The following RBMS3 variants were observed in gnomAD, a reference collection of about 807,000 sequenced individuals.
The protein encoded by RBMS3 is RNA binding motif single stranded interacting protein 3, also known as RNA-binding motif, single-stranded-interacting protein 3.
Under a neutral mutation model 66.8 loss-of-function variants are expected in RBMS3, and 27 were observed. The ratio of observed to expected loss-of-function variants is 0.40; its 90% CI spans 0.30 to 0.56. The LOEUF (loss-of-function observed/expected upper bound fraction) is 0.56. RBMS3 is among the 20% of genes least tolerant of loss of function. The pLI is 0.40. For missense variants in RBMS3, 513 were observed against 549.5 expected, an observed-to-expected ratio of 0.93 and a Z score of 0.66; for synonymous variants, 188 against 183.0, an observed-to-expected ratio of 1.03 and a Z score of -0.22.
intron 6 of RBMS3, among the ~76,000 whole-genome samples, chr3:29,864,750 A>T (rs2059303778): frequency 1.3e-5 from 2 of 150,938 alleles, no homozygotes; most frequent in Admixed American, 1.4e-4. Flanking sequence ...AGCTCTATGA[A>T]GTATTTAACA....
intron 1 of RBMS3, among the ~76,000 whole-genome samples, chr3:29,311,122 A>G (rs1424752915): frequency 6.6e-6 from 1 of 151,784 alleles, no homozygotes; most frequent in African/African-American, 2.4e-5. Context: ...TAATGGGGCC[A>G]GTGAGCATGG....
chr3:29,599,795 T>G (rs996371999), intron 4 of RBMS3, among the ~76,000 whole-genome samples: 1 of 152,234 alleles, frequency 6.6e-6, no homozygotes, highest in East Asian at 1.9e-4. Flanking sequence ...TTATGGAAGA[T>G]ATGATCACAG....
At chr3:29,654,521 CGTGTGTGTGTGTGTGTGTGTGTGT>C (rs56163408) in intron 4 of RBMS3, among the ~76,000 whole-genome samples, 10 of 118,992 alleles carry the variant, frequency 8.4e-5, no homozygotes, top group Non-Finnish European at 1.6e-4. Context: ...GAATTGGATT[CGTGTGTGTGTGTGTGTGTGTGTGT>C]GTGTGTGTGT....
At chr3:29,663,704 G>A (rs1273639299) in intron 4 of RBMS3, among the ~76,000 whole-genome samples, 1 of 152,060 alleles carries the variant, frequency 6.6e-6, no homozygotes, top group East Asian at 1.9e-4. Context: ...GGCATCACTG[G>A]GAGGCTCCTC....
chr3:29,614,254 G>C (rs1361224859), intron 4 of RBMS3, among the ~76,000 whole-genome samples: 1 of 152,146 alleles, frequency 6.6e-6, no homozygotes, highest in Non-Finnish European at 1.5e-5. Flanking sequence ...TCACTTATAT[G>C]TGGAATCAGA....
intron 6 of RBMS3, among the ~76,000 whole-genome samples, chr3:29,800,410 A>G (rs984345030): frequency 2.6e-5 from 4 of 152,208 alleles, no homozygotes; most frequent in Admixed American, 1.3e-4. Context: ...TGTTATTGGA[A>G]AAAAGTATTC....
At chr3:29,449,279 GA>G (rs1013464656) in intron 2 of RBMS3, among the ~76,000 whole-genome samples, 1 of 152,032 alleles carries the variant, frequency 6.6e-6, no homozygotes, top group Non-Finnish European at 1.5e-5. Flanking sequence ...CTAGTTTGGG[GA>G]AAAAAACTCT....
intron 6 of RBMS3, among the ~76,000 whole-genome samples, chr3:29,867,506 G>C: frequency 7.0e-6 from 1 of 142,186 alleles, no homozygotes; most frequent in Non-Finnish European, 1.5e-5. Context: ...GGATGATCTA[G>C]TATGGCCTTG....
intron 4 of RBMS3, among the ~76,000 whole-genome samples, chr3:29,646,684 A>C: frequency 7.1e-6 from 1 of 140,866 alleles, no homozygotes; most frequent in Non-Finnish European, 1.5e-5. Flanking sequence ...TTTTTTTTTC[A>C]TCCTAACTAC....
chr3:29,508,000 T>C (rs1211996928), intron 3 of RBMS3, among the ~76,000 whole-genome samples: 1 of 152,162 alleles, frequency 6.6e-6, no homozygotes, highest in Admixed American at 6.6e-5. Context: ...TGAGAAAATA[T>C]GAAGATTCAT....
chr3:29,854,052 T>C (rs13078067), intron 6 of RBMS3, among the ~76,000 whole-genome samples: 113,808 of 152,078 alleles, frequency 0.75, 42,683 homozygotes, highest in African/African-American at 0.77. Flanking sequence ...TGTCAAAAAG[T>C]CGTGAGAACA....
At chr3:29,843,910 C>T (rs766007817) in intron 6 of RBMS3, among the ~76,000 whole-genome samples, 2 of 151,874 alleles carry the variant, frequency 1.3e-5, no homozygotes, top group South Asian at 2.1e-4. Context: ...CGAGATTGCT[C>T]CACTGCACTC....
chr3:29,639,918 G>C (rs555748375), intron 4 of RBMS3, among the ~76,000 whole-genome samples: 2 of 151,760 alleles, frequency 1.3e-5, no homozygotes, highest in African/African-American at 4.8e-5. Flanking sequence ...TTCAGATGAC[G>C]GGGAGATATA....
At chr3:29,698,900 T>C (rs2052404236) in intron 4 of RBMS3, among the ~76,000 whole-genome samples, 2 of 152,208 alleles carry the variant, frequency 1.3e-5, no homozygotes, top group Admixed American at 1.3e-4. Context: ...AATGGTAGCA[T>C]ACTATTCACT....
At chr3:29,788,529 G>A (rs1336390232) in intron 6 of RBMS3, among the ~76,000 whole-genome samples, 1 of 152,084 alleles carries the variant, frequency 6.6e-6, no homozygotes, top group African/African-American at 2.4e-5. Flanking sequence ...CAGGCCTGGA[G>A]TTCATTCTTA....
At chr3:29,551,114 G>A (rs560749776) in intron 3 of RBMS3, among the ~76,000 whole-genome samples, 2 of 152,322 alleles carry the variant, frequency 1.3e-5, no homozygotes, top group Admixed American at 1.3e-4. Context: ...TGAAATTTAA[G>A]CCTTGATGGG....
chr3:29,727,344 A>G (rs1044416849), intron 4 of RBMS3, among the ~76,000 whole-genome samples: 4 of 152,220 alleles, frequency 2.6e-5, no homozygotes, highest in Admixed American at 6.5e-5. Flanking sequence ...AGCAATTGCA[A>G]CAAAGGCCAG....
At chr3:29,772,901 A>C (rs998528189) in intron 6 of RBMS3, among the ~76,000 whole-genome samples, 3 of 152,220 alleles carry the variant, frequency 2.0e-5, no homozygotes, top group African/African-American at 7.2e-5. Context: ...TCAGCATCTG[A>C]AACAAGAAGC....
chr3:29,290,743 T>A (rs1270833509), intron 1 of RBMS3: 1 of 151,834 alleles, frequency 6.6e-6, no homozygotes, highest in African/African-American at 2.4e-5. Context: ...TGTTTAACTT[T>A]GTTGTTGAGC....
Sources: allele counts gnomAD v4.1 joint callset (sites outside exome capture counted in the v4.1 genomes callset), GRCh38; gene constraint gnomAD v4.1.1; transcripts MANE v1.5; gene names NCBI Gene and HGNC (gene_info 2026-07-23, HGNC 2026-07-21).